Variants in CPXM2 observed in about 807,000 individuals in gnomAD.
The protein encoded by CPXM2 is inactive carboxypeptidase-like protein X2.
A neutral mutation model predicts 86.1 loss-of-function variants in CPXM2; 66 were observed. The observed-to-expected ratio is 0.77, with a 90% CI of 0.63 to 0.94. The LOEUF (loss-of-function observed/expected upper bound fraction) is 0.94. CPXM2 is among the 40% of genes least tolerant of loss of function. CPXM2 has a pLI of 0.00. For missense variants in CPXM2, 948 were observed against 1,026.3 expected, an observed-to-expected ratio of 0.92 and a Z score of 1.04; for synonymous variants, 388 against 400.2, an observed-to-expected ratio of 0.97 and a Z score of 0.36.
At chr10:123,929,574 A>T (rs1484521733) in intron 2 of CPXM2, among the ~76,000 whole-genome samples, 1 of 152,152 alleles carries the variant, frequency 6.6e-6, no homozygotes, top group Non-Finnish European at 1.5e-5. Flanking sequence ...TCGCTGTTTC[A>T]CTTCCTTTTG....
intron 2 of CPXM2, among the ~76,000 whole-genome samples, chr10:123,916,384 C>G (rs570168820): frequency 6.6e-6 from 1 of 152,120 alleles, no homozygotes; most frequent in Non-Finnish European, 1.5e-5. Context: ...GCTTCTGTGT[C>G]CAGGTCTGCA....
intron 3 of CPXM2, among the ~76,000 whole-genome samples, chr10:123,859,827 G>A (rs1454619481): frequency 6.6e-6 from 1 of 152,214 alleles, no homozygotes; most frequent in African/African-American, 2.4e-5. Context: ...CCTGGGGTGG[G>A]CCTCTCACGG....
In CPXM2 at chr10:123,780,224, C is replaced by G; in HGVS notation, c.921G>C (p.Glu307Asp). Residue 307 changes from glutamate to aspartate, a missense_variant, in exon 7 of 14, where the codon GAG (glutamate) becomes GAC (aspartate). Glu to Asp is a conservative substitution (Grantham distance 45, BLOSUM62 2). Transcript: ENST00000241305. ...AATCCAGGTCATCAGTGGTGGTCAT[C>G]TCGTTCCGGCGGTGATAATAATTAT... ...DPNNYYHRRNEMTTTDDLDFK... is the reference protein window; with the variant it reads ...DPNNYYHRRNDMTTTDDLDFK... 6.2e-7 allele frequency: 1 copy of G among 1,610,958 alleles called. No homozygotes were observed. The highest frequency in any genetic ancestry group is 1.1e-5 in the South Asian group (1 of 91,016).
At chr10:123,760,944 C>T (rs112873962) in intron 11 of CPXM2, among the ~76,000 whole-genome samples, 2 of 151,904 alleles carry the variant, frequency 1.3e-5, no homozygotes, top group Admixed American at 6.6e-5. Flanking sequence ...GCAAATTCAT[C>T]GTCTTGACCA....
chr10:123,794,521 C>CTGGAACAAAATCTCTGAA, intron 6 of CPXM2, among the ~76,000 whole-genome samples: 2 of 152,258 alleles, frequency 1.3e-5, no homozygotes, highest in East Asian at 3.9e-4. Flanking sequence ...TGAAAACCAC[C>CTGGAACAAAATCTCTGAA]AAGGCCATGA....
intron 13 of CPXM2, among the ~76,000 whole-genome samples, 176 bp from the exon 14 acceptor site, chr10:123,747,193 T>A (rs976054953): frequency 2.6e-5 from 4 of 152,200 alleles, no homozygotes; most frequent in African/African-American, 9.6e-5. Flanking sequence ...GATGTTTTCC[T>A]CTCTGAAAGC....
chr10:123,764,797 T>G (rs1846430381), intron 10 of CPXM2, among the ~76,000 whole-genome samples: 1 of 152,038 alleles, frequency 6.6e-6, no homozygotes, highest in Non-Finnish European at 1.5e-5. Context: ...TCTTCTGTTA[T>G]TAATTAATTA....
intron 7 of CPXM2, 31 bp downstream of exon 7, chr10:123,780,136 C>A: frequency 7.0e-7 from 1 of 1,418,584 alleles, no homozygotes; most frequent in Non-Finnish European, 1.0e-6. Context: ...TGACAAATTC[C>A]TGGCATGAGG....
chr10:123,897,642 A>G (rs1945348233), intron 2 of CPXM2, among the ~76,000 whole-genome samples: 1 of 152,182 alleles, frequency 6.6e-6, no homozygotes, highest in Non-Finnish European at 1.5e-5. Context: ...CTCTCCATCC[A>G]TCAGGAGTGC....
chr10:123,750,319 G>C, intron 13 of CPXM2: 1 of 984,188 alleles, frequency 1.0e-6, no homozygotes, highest in Non-Finnish European at 1.2e-6. Context: ...GCAGGTCCTG[G>C]GGGCCCCTTC....
chr10:123,803,765 G>A (rs138974141), intron 4 of CPXM2, among the ~76,000 whole-genome samples: 50 of 152,062 alleles, frequency 3.3e-4, no homozygotes, highest in African/African-American at 1.2e-3. Flanking sequence ...GGGTTCAAGC[G>A]ATTCTCCTGC....
In CPXM2 at chr10:123,911,796, C is replaced by T. The variant is rs139756761; in HGVS notation, n.174+27681G>A. Among the ~76,000 whole-genome samples, 43 of 152,064 alleles carry T rather than the reference C, an allele frequency of 2.8e-4. No homozygotes were observed. In the East Asian group the frequency reaches 6.9e-3, roughly 24 times the overall value. On this transcript the variant is annotated intron_variant and non_coding_transcript_variant, in intron 2 of 19. Coordinates refer to the CPXM2 transcript ENST00000368854. ...CCCATTGAACACACACTGTGAGCAC[C>T]GTCTCCTGTAATCATTCCTGCCACC... is the stretch of plus-strand genomic sequence containing the variant.
chr10:123,834,680 G>A, intron 4 of CPXM2, among the ~76,000 whole-genome samples: 1 of 152,188 alleles, frequency 6.6e-6, no homozygotes, highest in East Asian at 1.9e-4. Context: ...GGTTGCTATA[G>A]TCTGGCTGTT....
At chr10:123,829,500 C>G (rs1043777396) in intron 4 of CPXM2, among the ~76,000 whole-genome samples, 1 of 151,796 alleles carries the variant, frequency 6.6e-6, no homozygotes, top group South Asian at 2.1e-4. Flanking sequence ...TAAACACAAA[C>G]AGTACCAGGA....
chr10:123,932,569 C>T lies in CPXM2; in HGVS notation n.174+6908G>A, dbSNP rs528547931. ...CTGAATGACTCTCCATCCTTCTGTA[C>T]GGACAGGCTCTCCCTGTCCCACTCT... On this transcript the variant is annotated intron_variant and non_coding_transcript_variant, in intron 2 of 19. Coordinates refer to the CPXM2 transcript ENST00000368854. 2.6e-4 allele frequency among the ~76,000 whole-genome samples: 39 copies of T among 152,344 alleles called. 2 individuals are homozygous for T. The highest frequency in any genetic ancestry group is 8.4e-4 in the African/African-American group (35 of 41,580).
intron 4 of CPXM2, among the ~76,000 whole-genome samples, chr10:123,811,742 A>G (rs1847700428): frequency 6.6e-6 from 1 of 152,196 alleles, no homozygotes; most frequent in East Asian, 1.9e-4. Context: ...TAAATCAATG[A>G]GACAAAGAAA....
At chr10:123,778,994 C>G (rs1228410) in intron 7 of CPXM2, among the ~76,000 whole-genome samples, 132,443 of 152,258 alleles carry the variant, frequency 0.87, 57,757 homozygotes, top group African/African-American at 0.93. Flanking sequence ...AAGACAAACC[C>G]GGCTTGTTCA....
At chr10:123,763,164 T>G (rs1024876916) in intron 10 of CPXM2, among the ~76,000 whole-genome samples, 1 of 152,330 alleles carries the variant, frequency 6.6e-6, no homozygotes. Context: ...CTCAGCCTCC[T>G]GACTAGCTGG....
intron 8 of CPXM2, 131 bp from the exon 9 acceptor site, chr10:123,768,853 C>A: frequency 1.4e-6 from 1 of 725,730 alleles, no homozygotes; most frequent in South Asian, 1.8e-5. Context: ...TTTGTTCTTT[C>A]AAACAAACCT....
Sources: gnomAD v4.1 joint callset for allele counts (sites outside exome capture counted in the v4.1 genomes callset) on GRCh38, gnomAD v4.1.1 for gene constraint, MANE v1.5 for transcripts, NCBI Gene and HGNC (gene_info 2026-07-23, HGNC 2026-07-21) for gene names.